Variants in ACSM3 observed in about 807,000 individuals in gnomAD.
The protein encoded by ACSM3 is acyl-coenzyme A synthetase ACSM3, mitochondrial.
ACSM3 carries 61 observed loss-of-function variants against 74.1 expected under a neutral mutation model. The ratio of observed to expected loss-of-function variants is 0.82; its 90% CI spans 0.67 to 1.02. The LOEUF is 1.02. ACSM3 is among the 50% of genes least tolerant of loss of function. ACSM3 has a pLI of 0.00. For missense variants in ACSM3, 660 were observed against 697.0 expected, an observed-to-expected ratio of 0.95 and a Z score of 0.60; for synonymous variants, 213 against 241.5, an observed-to-expected ratio of 0.88 and a Z score of 1.09.
intron 1 of ACSM3, chr16:20,741,633 G>C: frequency 6.3e-7 from 1 of 1,579,378 alleles, no homozygotes; most frequent in Non-Finnish European, 8.6e-7. Context: ...TAGCTGACGG[G>C]GCCCGCCAGC....
At chr16:20,688,738 C>T (rs1047726248) in intron 1 of ACSM3, among the ~76,000 whole-genome samples, 4 of 151,890 alleles carry the variant, frequency 2.6e-5, no homozygotes, top group Admixed American at 6.6e-5. Flanking sequence ...AGTTCACTAT[C>T]CCTAGACTTG....
intron 1 of ACSM3, among the ~76,000 whole-genome samples, chr16:20,695,575 TTAC>T (rs1475907491): frequency 8.6e-5 from 13 of 151,726 alleles, no homozygotes; most frequent in South Asian, 2.1e-4. Context: ...TATCTATCTA[TTAC>T]CTATCTATTA....
chr16:20,726,959 G>C (rs1255194853), intron 1 of ACSM3, among the ~76,000 whole-genome samples: 2 of 152,216 alleles, frequency 1.3e-5, no homozygotes, highest in African/African-American at 4.8e-5. Flanking sequence ...TAGGGGTTGA[G>C]AGGAGTCTAA....
intron 1 of ACSM3, among the ~76,000 whole-genome samples, chr16:20,700,088 A>G (rs2079709116): frequency 6.6e-6 from 1 of 152,182 alleles, no homozygotes; most frequent in South Asian, 2.1e-4. Flanking sequence ...GGAGATAGTG[A>G]CATCGTAAAA....
intron 1 of ACSM3, among the ~76,000 whole-genome samples, chr16:20,745,069 C>T (rs1567335026): frequency 6.6e-6 from 1 of 152,240 alleles, no homozygotes; most frequent in Non-Finnish European, 1.5e-5. Flanking sequence ...CGTCCACTTA[C>T]TTCCTCTTCT....
chr16:20,767,628 G>T (rs1342600811), intron 1 of ACSM3, among the ~76,000 whole-genome samples: 1 of 151,994 alleles, frequency 6.6e-6, no homozygotes, highest in African/African-American at 2.4e-5. Context: ...AACCTGCAGG[G>T]CAACTGGGAT....
intron 1 of ACSM3, among the ~76,000 whole-genome samples, chr16:20,678,183 A>C (rs888681295): frequency 6.6e-6 from 1 of 152,200 alleles, no homozygotes; most frequent in Non-Finnish European, 1.5e-5. Flanking sequence ...AAAAATATCA[A>C]CTACATTGAA....
intron 1 of ACSM3, among the ~76,000 whole-genome samples, chr16:20,693,498 A>T (rs978234244): frequency 6.6e-6 from 1 of 152,242 alleles, no homozygotes; most frequent in Admixed American, 6.5e-5. Flanking sequence ...GCACTTTATC[A>T]TCATGAACAT....
chr16:20,709,508 C>T (rs2079737173), intron 1 of ACSM3, among the ~76,000 whole-genome samples: 1 of 152,160 alleles, frequency 6.6e-6, no homozygotes, highest in Admixed American at 6.6e-5. Context: ...AAGAAAACTG[C>T]CCCTAACCCT....
chr16:20,704,285 T>C (rs1429713675), intron 1 of ACSM3, among the ~76,000 whole-genome samples: 1 of 152,210 alleles, frequency 6.6e-6, no homozygotes, highest in African/African-American at 2.4e-5. Context: ...TGAAAGGTAG[T>C]ATTATTACTA....
intron 9 of ACSM3, 67 bp downstream of exon 9, chr16:20,786,225 C>A (rs1318615648): frequency 1.3e-6 from 2 of 1,549,644 alleles, no homozygotes; most frequent in Non-Finnish European, 1.7e-6. Flanking sequence ...CTACCGCTTA[C>A]CCCCATATAA....
chr16:20,761,608 G>T (rs1596504684), upstream of ACSM3, among the ~76,000 whole-genome samples: 1 of 152,174 alleles, frequency 6.6e-6, no homozygotes, highest in Non-Finnish European at 1.5e-5. Flanking sequence ...TATGGGCAAG[G>T]CAGGAAAGGC....
chr16:20,699,080 G>C (rs1381704778), intron 1 of ACSM3, among the ~76,000 whole-genome samples: 2 of 152,078 alleles, frequency 1.3e-5, no homozygotes, highest in Non-Finnish European at 2.9e-5. Flanking sequence ...AAAGCTCTTG[G>C]GTGAACCATT....
intron 9 of ACSM3, among the ~76,000 whole-genome samples, chr16:20,788,388 C>G (rs937756129): frequency 6.6e-6 from 1 of 152,198 alleles, no homozygotes; most frequent in Non-Finnish European, 1.5e-5. Flanking sequence ...CTGCAAGGTA[C>G]CCCCACCTGC....
intron 1 of ACSM3, among the ~76,000 whole-genome samples, chr16:20,739,869 C>T (rs2079902372): frequency 6.6e-6 from 1 of 151,298 alleles, no homozygotes; most frequent in Admixed American, 6.6e-5. Context: ...GGAATTCCCG[C>T]AGACTATAGA....
At chr16:20,756,956 G>A (rs1171323939) in intron 3 of ACSM3, among the ~76,000 whole-genome samples, 2 of 151,716 alleles carry the variant, frequency 1.3e-5, no homozygotes, top group Non-Finnish European at 2.9e-5. Flanking sequence ...CATATGCGGC[G>A]TTATTTCTGA....
chr16:20,708,250 G>A (rs2079733334), intron 1 of ACSM3, among the ~76,000 whole-genome samples: 1 of 152,134 alleles, frequency 6.6e-6, no homozygotes, highest in African/African-American at 2.4e-5. Context: ...GCAGTGAGCT[G>A]AGATCACGCC....
chr16:20,734,194 T>G, intron 1 of ACSM3: 1 of 152,588 alleles, frequency 6.6e-6, no homozygotes, highest in East Asian at 1.9e-4. Flanking sequence ...GTAAAAACAA[T>G]TTAGTTCCAC....
intron 4 of ACSM3, chr16:20,780,175 C>T (rs2080322611): frequency 5.7e-6 from 1 of 174,558 alleles, no homozygotes. Flanking sequence ...GTGAAAGCAA[C>T]CACAGGTACT....
Sources: allele counts gnomAD v4.1 joint callset (sites outside exome capture counted in the v4.1 genomes callset), GRCh38; gene constraint gnomAD v4.1.1; transcripts MANE v1.5; gene names NCBI Gene and HGNC (gene_info 2026-07-23, HGNC 2026-07-21).